ROBO2: variants seen among roughly 807,000 people sequenced by gnomAD.
ROBO2 encodes the protein roundabout homolog 2.
In ROBO2, 53 loss-of-function variants were observed where a neutral mutation model predicts 160.8. The observed-to-expected ratio is 0.33, with a 90% confidence interval of 0.26 to 0.41. ROBO2 has a LOEUF of 0.41. Ranked by LOEUF, ROBO2 falls within the 10% of genes least tolerant of loss-of-function variation. ROBO2 has a pLI of 1.00. For synonymous variants in ROBO2, 664 were observed against 611.7 expected (o/e 1.09, Z -1.26); for missense variants, 1,577 against 1,722.4 (o/e 0.92, Z 1.49).
At chr3:76,731,609 G>T (rs1323939741) in intron 2 of ROBO2, among the ~76,000 whole-genome samples, 1 of 152,108 alleles carries the variant, frequency 6.6e-6, no homozygotes, top group Admixed American at 6.6e-5. Context: ...ACAGAATAGT[G>T]ACTCTGTTAC....
At chr3:77,025,265 G>C (rs1321028724) in intron 2 of ROBO2, among the ~76,000 whole-genome samples, 1 of 152,024 alleles carries the variant, frequency 6.6e-6, no homozygotes, top group African/African-American at 2.4e-5. Context: ...TTACTAATAT[G>C]CTTAAGCCTG....
intron 2 of ROBO2, among the ~76,000 whole-genome samples, chr3:76,603,224 C>G (rs938933935): frequency 1.3e-5 from 2 of 149,928 alleles, no homozygotes; most frequent in African/African-American, 4.9e-5. Context: ...CCCAGCTACT[C>G]AGGAGGCTGA....
chr3:76,483,304 G>T (rs1321661842), intron 2 of ROBO2, among the ~76,000 whole-genome samples: 1 of 117,986 alleles, frequency 8.5e-6, no homozygotes, highest in African/African-American at 3.0e-5. Context: ...CATGTTAACT[G>T]TCATTATTTT....
At chr3:77,525,434 A>AC (rs1403272671) in intron 6 of ROBO2, among the ~76,000 whole-genome samples, 3 of 150,618 alleles carry the variant, frequency 2.0e-5, no homozygotes, top group Non-Finnish European at 4.5e-5. Context: ...TAAAAAAAAA[A>AC]ACTATAAATT....
At chr3:77,320,776 C>G (rs2064597294) in intron 2 of ROBO2, among the ~76,000 whole-genome samples, 1 of 152,120 alleles carries the variant, frequency 6.6e-6, no homozygotes, top group Non-Finnish European at 1.5e-5. Context: ...CACTTGTAGA[C>G]TACAAGCGAT....
intron 2 of ROBO2, among the ~76,000 whole-genome samples, chr3:76,565,957 G>A (rs565549842): frequency 6.6e-6 from 1 of 152,188 alleles, no homozygotes; most frequent in South Asian, 2.1e-4. Flanking sequence ...CGTAGCCAAC[G>A]GGTATTGCCT....
chr3:76,451,186 C>T (rs1018517434), intron 2 of ROBO2, among the ~76,000 whole-genome samples: 5 of 152,142 alleles, frequency 3.3e-5, no homozygotes, highest in Non-Finnish European at 5.9e-5. Context: ...GGGCTAGTCA[C>T]GTGGACTCTT....
intron 2 of ROBO2, among the ~76,000 whole-genome samples, chr3:76,803,572 A>G (rs997165954): frequency 6.6e-6 from 1 of 152,030 alleles, no homozygotes; most frequent in Non-Finnish European, 1.5e-5. Flanking sequence ...AGGAAAAAAA[A>G]CACACAGACG....
At chr3:75,937,841 T>TA (rs1947858350) in intron 2 of ROBO2, among the ~76,000 whole-genome samples, 19 of 105,526 alleles carry the variant, frequency 1.8e-4, no homozygotes, top group African/African-American at 6.7e-4. Flanking sequence ...GGAATTGATT[T>TA]TATATATATA....
intron 2 of ROBO2, among the ~76,000 whole-genome samples, chr3:77,446,042 A>G (rs575799219): frequency 7.2e-5 from 11 of 152,016 alleles, no homozygotes; most frequent in Non-Finnish European, 8.8e-5. Context: ...TATCTTTCCT[A>G]GAATTCCAGG....
At chr3:77,403,792 CA>C (rs1230285603) in intron 2 of ROBO2, among the ~76,000 whole-genome samples, 4 of 151,892 alleles carry the variant, frequency 2.6e-5, no homozygotes, top group Non-Finnish European at 4.4e-5. Flanking sequence ...TCATATGGAA[CA>C]TTTCTATGTA....
intron 7 of ROBO2, 62 bp downstream of exon 8, chr3:77,546,524 T>G: frequency 6.3e-7 from 1 of 1,594,794 alleles, no homozygotes; most frequent in East Asian, 2.2e-5. Flanking sequence ...CTGCTGCTCC[T>G]GAAAGCTTGC....
intron 2 of ROBO2, among the ~76,000 whole-genome samples, chr3:76,100,757 A>G (rs963801703): frequency 2.0e-5 from 3 of 152,192 alleles, no homozygotes; most frequent in African/African-American, 7.2e-5. Context: ...ACTCAGAAAG[A>G]TAAGAGCAAA....
At chr3:77,432,092 T>C (rs1249528965) in intron 2 of ROBO2, among the ~76,000 whole-genome samples, 1 of 152,176 alleles carries the variant, frequency 6.6e-6, no homozygotes, top group Non-Finnish European at 1.5e-5. Context: ...CTCTAGCTTT[T>C]TTAGCAATTT....
intron 2 of ROBO2, among the ~76,000 whole-genome samples, chr3:76,288,688 T>C (rs1481034639): frequency 6.6e-6 from 1 of 152,176 alleles, no homozygotes; most frequent in African/African-American, 2.4e-5. Context: ...CCCGTGTTTG[T>C]GTCCATGTGT....
chr3:76,029,570 A>C (rs903524010), intron 2 of ROBO2, among the ~76,000 whole-genome samples: 1 of 151,890 alleles, frequency 6.6e-6, no homozygotes, highest in Admixed American at 6.6e-5. Flanking sequence ...CCAGTGTTCA[A>C]GTGTTCTCAT....
At chr3:76,963,842 A>AG (rs957864318) in intron 2 of ROBO2, among the ~76,000 whole-genome samples, 1 of 150,674 alleles carries the variant, frequency 6.6e-6, no homozygotes, top group Non-Finnish European at 1.5e-5. Context: ...ACTGCAAAAA[A>AG]AAAAAAAGAA....
chr3:76,278,180 A>G (rs751766643), intron 2 of ROBO2, among the ~76,000 whole-genome samples: 21 of 151,996 alleles, frequency 1.4e-4, no homozygotes, highest in Non-Finnish European at 2.2e-4. Flanking sequence ...AGAGACTGAA[A>G]TCGAGTAGAA....
At chr3:77,360,559 T>C (rs2069812546) in intron 2 of ROBO2, among the ~76,000 whole-genome samples, 1 of 152,146 alleles carries the variant, frequency 6.6e-6, no homozygotes, top group African/African-American at 2.4e-5. Flanking sequence ...TTTGTGTTGG[T>C]TTAGCACAAG....
Sources: gnomAD v4.1 joint callset for allele counts (sites outside exome capture counted in the v4.1 genomes callset) on GRCh38, gnomAD v4.1.1 for gene constraint, MANE v1.5 for transcripts, NCBI Gene and HGNC (gene_info 2026-07-23, HGNC 2026-07-21) for gene names.